The following ZNF385D variants were observed in gnomAD, a reference collection of about 807,000 sequenced individuals.
ZNF385D encodes the protein zinc finger protein 385D.
A neutral mutation model predicts 35.8 loss-of-function variants in ZNF385D; 15 were observed. The ratio of observed to expected loss-of-function variants is 0.42; its 90% confidence interval spans 0.28 to 0.64. ZNF385D has a LOEUF of 0.64. Among genes scored for constraint, ZNF385D ranks in the 30% least tolerant of loss-of-function variants. ZNF385D has a pLI of 0.23. For missense variants in ZNF385D, 474 were observed against 494.6 expected (o/e 0.96, Z 0.39); for synonymous variants, 212 against 186.8 (o/e 1.13, Z -1.10).
intron 3 of ZNF385D, among the ~76,000 whole-genome samples, chr3:22,017,250 G>C (rs1696948945): frequency 1.3e-5 from 2 of 151,866 alleles, no homozygotes; most frequent in African/African-American, 4.8e-5. Context: ...TGTACATCTG[G>C]TTAACATCAC....
intron 3 of ZNF385D, among the ~76,000 whole-genome samples, chr3:21,989,071 T>A (rs1279072441): frequency 6.6e-6 from 1 of 152,148 alleles, no homozygotes; most frequent in Non-Finnish European, 1.5e-5. Flanking sequence ...CCTAGTGAGA[T>A]GAACCCGGTA....
At chr3:22,046,967 C>G (rs1699041298) in intron 3 of ZNF385D, among the ~76,000 whole-genome samples, 8 of 152,048 alleles carry the variant, frequency 5.3e-5, no homozygotes, top group Admixed American at 5.2e-4. Context: ...TAGATTATAT[C>G]TAATTTGAAT....
intron 1 of ZNF385D, among the ~76,000 whole-genome samples, chr3:21,737,798 T>A (rs1195960295): frequency 2.0e-5 from 3 of 152,178 alleles, no homozygotes; most frequent in Non-Finnish European, 2.9e-5. Flanking sequence ...ATGTGGCACA[T>A]TGCCTGATGT....
At chr3:21,632,160 TG>T (rs1443407222) in intron 2 of ZNF385D, among the ~76,000 whole-genome samples, 1 of 152,020 alleles carries the variant, frequency 6.6e-6, no homozygotes, top group East Asian at 1.9e-4. Flanking sequence ...TAATTAAAAA[TG>T]GGGGGAAACT....
At chr3:22,166,526 G>A (rs191692885) in intron 3 of ZNF385D, among the ~76,000 whole-genome samples, 172 of 152,232 alleles carry the variant, frequency 1.1e-3, no homozygotes, top group Admixed American at 2.2e-3. Context: ...AGTATTAACT[G>A]ATGTTATCCT....
intron 3 of ZNF385D, among the ~76,000 whole-genome samples, chr3:21,768,566 A>G (rs927367193): frequency 1.4e-4 from 21 of 151,992 alleles, no homozygotes; most frequent in Non-Finnish European, 1.0e-4. Flanking sequence ...CCCCTCCCCA[A>G]CACAGCCCTA....
At chr3:21,945,149 T>C (rs1482347509) in intron 3 of ZNF385D, among the ~76,000 whole-genome samples, 1 of 141,212 alleles carries the variant, frequency 7.1e-6, no homozygotes, top group African/African-American at 2.7e-5. Context: ...TATATGCATA[T>C]ATATATACAC....
intron 3 of ZNF385D, among the ~76,000 whole-genome samples, chr3:21,997,860 CGCGCGCGCGCGCGT>C (rs1388947752): frequency 7.9e-5 from 6 of 75,946 alleles, no homozygotes; most frequent in South Asian, 6.3e-4. Flanking sequence ...CTATTTGGCG[CGCGCGCGCGCGCGT>C]GTGTGTGTGT....
intron 2 of ZNF385D, among the ~76,000 whole-genome samples, chr3:21,617,723 G>A (rs1317177279): frequency 6.6e-6 from 1 of 152,068 alleles, no homozygotes; most frequent in Non-Finnish European, 1.5e-5. Flanking sequence ...GATGTCCTTT[G>A]ATGTCTATCA....
chr3:21,551,011 A>C (rs904008157), intron 3 of ZNF385D, among the ~76,000 whole-genome samples: 4 of 152,144 alleles, frequency 2.6e-5, no homozygotes, highest in Non-Finnish European at 5.9e-5. Context: ...TTCTGTTTAC[A>C]CTTTTGACAT....
chr3:21,539,147 G>C lies in ZNF385D; in HGVS notation c.276+25427C>G, dbSNP rs971217669. On this transcript the variant is annotated intron_variant, in intron 3 of 7. Coordinates refer to ENST00000281523, the MANE Select transcript of ZNF385D (RefSeq NM_024697.3). The surrounding 1 kb of genome is among the most constrained non-coding windows in gnomAD (Gnocchi z 4.0). ...CCTGCATAATAATAATGCAACCCTT[G>C]ACAAACCTGATCAACTCCTATCCCA... is the stretch of plus-strand genomic sequence containing the variant. Among the ~76,000 whole-genome samples, 1 of 151,634 alleles carries C rather than the reference G, an allele frequency of 6.6e-6. No individual in the cohort carries two copies. Among genetic ancestry groups the C allele is most frequent in the Non-Finnish European group, 1.5e-5 (1 of 67,976 alleles).
chr3:22,056,482 T>C (rs1014129945), intron 3 of ZNF385D, among the ~76,000 whole-genome samples: 3 of 152,084 alleles, frequency 2.0e-5, no homozygotes, highest in African/African-American at 7.2e-5. Context: ...GATAAAACTG[T>C]AGTGAGTATT....
At chr3:21,885,353 C>T (rs1383260547) in intron 3 of ZNF385D, among the ~76,000 whole-genome samples, 1 of 151,742 alleles carries the variant, frequency 6.6e-6, no homozygotes, top group Non-Finnish European at 1.5e-5. Flanking sequence ...AAATTCTTTG[C>T]TGAGTCGAAT....
At chr3:21,963,672 C>T (rs1186511050) in intron 3 of ZNF385D, among the ~76,000 whole-genome samples, 2 of 152,278 alleles carry the variant, frequency 1.3e-5, no homozygotes, top group South Asian at 2.1e-4. Context: ...ATATACAAGA[C>T]ATCTCTTTAT....
At position 21,416,551 on chromosome 3, in the gene ZNF385D, C is replaced by T. The variant is rs1700564219; in HGVS notation, c.*4663G>A. 1 of 152,086 alleles carries T rather than the reference C, an allele frequency of 6.6e-6. No homozygotes were observed. Among genetic ancestry groups the T allele is most frequent in the Admixed American group, 6.6e-5 (1 of 15,260 alleles). 9.4% of individuals were successfully genotyped at this position (152,086 alleles called of 1,614,324 possible). A position where few individuals can be genotyped will look rare whatever the true frequency, so the allele number is the denominator to read the frequency against. ...CTACCATTAGAAATGATCCATTTCA[C>T]TTCCTGATAGTAGCCTCTCTAGCTA... On this transcript the variant is annotated 3_prime_UTR_variant, in exon 8 of 8. Transcript: ENST00000281523.
intron 2 of ZNF385D, among the ~76,000 whole-genome samples, chr3:22,355,533 A>G (rs185145883): frequency 1.3e-5 from 2 of 152,144 alleles, no homozygotes; most frequent in East Asian, 3.9e-4. Flanking sequence ...AGAACTAAAA[A>G]GCAACTAAGA....
At chr3:21,787,608 C>T (rs1012422145) in intron 3 of ZNF385D, among the ~76,000 whole-genome samples, 1 of 152,006 alleles carries the variant, frequency 6.6e-6, no homozygotes, top group Non-Finnish European at 1.5e-5. Context: ...CAAGGAAAAG[C>T]CAGCTTCCTA....
At chr3:21,595,275 C>T (rs1215410902) in intron 2 of ZNF385D, among the ~76,000 whole-genome samples, 1 of 152,158 alleles carries the variant, frequency 6.6e-6, no homozygotes, top group East Asian at 1.9e-4. Context: ...TTTACTTCAA[C>T]CTCCAGGCGA....
intron 3 of ZNF385D, among the ~76,000 whole-genome samples, chr3:22,049,944 A>G (rs1338834953): frequency 1.3e-5 from 2 of 152,162 alleles, no homozygotes; most frequent in Non-Finnish European, 2.9e-5. Context: ...ATCAGGAATA[A>G]TGGCCATAGT....
Sources: gnomAD v4.1 joint callset for allele counts (sites outside exome capture counted in the v4.1 genomes callset) on GRCh38, gnomAD v4.1.1 for gene constraint, Gnocchi (gnomAD v3.1) non-coding constraint, MANE v1.5 for transcripts, NCBI Gene and HGNC (gene_info 2026-07-23, HGNC 2026-07-21) for gene names.